NELL1: variants seen among roughly 807,000 people sequenced by gnomAD.
The protein encoded by NELL1 is protein kinase C-binding protein NELL1.
Under a neutral mutation model 107.4 loss-of-function variants are expected in NELL1, and 76 were observed. The observed-to-expected ratio is 0.71, with a 90% CI of 0.59 to 0.86. The LOEUF is 0.86. Among genes scored for constraint, NELL1 ranks in the 40% least tolerant of loss-of-function variants. NELL1 has a pLI of 0.00. For missense variants in NELL1, 1,024 were observed against 1,005.5 expected (o/e 1.02, Z -0.25); for synonymous variants, 353 against 341.2 (o/e 1.03, Z -0.38).
chr11:21,198,110 ATGTCAGGCTCC>A (rs1857193066), intron 13 of NELL1, among the ~76,000 whole-genome samples: 2 of 152,162 alleles, frequency 1.3e-5, no homozygotes, highest in African/African-American at 4.8e-5. Flanking sequence ...CTTTCCACAT[ATGTCAGGCTCC>A]TGGGTTGATA....
chr11:21,254,551 G>A (rs182601005), intron 14 of NELL1, among the ~76,000 whole-genome samples: 2 of 152,180 alleles, frequency 1.3e-5, no homozygotes, highest in Admixed American at 1.3e-4. Flanking sequence ...CAGCAGGAGA[G>A]TTAACATACA....
chr11:21,533,443 C>A (rs184325009), intron 15 of NELL1, among the ~76,000 whole-genome samples: 35 of 152,264 alleles, frequency 2.3e-4, no homozygotes, highest in Admixed American at 1.6e-3. Context: ...AAAGAAGATT[C>A]CCAGGCAGCA....
At chr11:20,701,004 A>T (rs1441937381) in intron 2 of NELL1, among the ~76,000 whole-genome samples, 1 of 152,188 alleles carries the variant, frequency 6.6e-6, no homozygotes, top group Non-Finnish European at 1.5e-5. Flanking sequence ...CATGATTTAT[A>T]GTCCTTTGGG....
At chr11:21,091,371 A>G (rs970754624) in intron 12 of NELL1, among the ~76,000 whole-genome samples, 1 of 152,140 alleles carries the variant, frequency 6.6e-6, no homozygotes, top group Non-Finnish European at 1.5e-5. Context: ...ACGGGGACTC[A>G]GCGAATAAAG....
chr11:21,229,001 T>C (rs1043850601), intron 13 of NELL1, among the ~76,000 whole-genome samples: 1 of 151,786 alleles, frequency 6.6e-6, no homozygotes. Context: ...CAGTGCAAAA[T>C]TCCCCCTACT....
chr11:21,164,296 CAA>C (rs779553260), intron 13 of NELL1, among the ~76,000 whole-genome samples: 3 of 152,234 alleles, frequency 2.0e-5, no homozygotes. Context: ...GCTTGAGAAA[CAA>C]AGTTCTTTAA....
intron 2 of NELL1, chr11:20,770,943 A>G (rs1333012730): frequency 6.8e-6 from 1 of 147,208 alleles, no homozygotes; most frequent in Non-Finnish European, 1.5e-5. Flanking sequence ...CATTGTAGCC[A>G]GATCTGCACT....
intron 15 of NELL1, among the ~76,000 whole-genome samples, chr11:21,483,404 C>T (rs1456220323): frequency 1.3e-5 from 2 of 152,088 alleles, no homozygotes; most frequent in Non-Finnish European, 2.9e-5. Flanking sequence ...ATGCTTCCTG[C>T]AAAGTACGTC....
intron 15 of NELL1, among the ~76,000 whole-genome samples, chr11:21,453,235 T>C (rs1853632430): frequency 6.6e-6 from 1 of 152,154 alleles, no homozygotes; most frequent in Non-Finnish European, 1.5e-5. Context: ...AATTGTAGAT[T>C]TGTCCATTTC....
At chr11:21,495,091 C>T (rs1854942457) in intron 15 of NELL1, among the ~76,000 whole-genome samples, 1 of 152,058 alleles carries the variant, frequency 6.6e-6, no homozygotes, top group Admixed American at 6.6e-5. Context: ...GCAACCATTG[C>T]CAATAGCTAA....
chr11:20,709,110 G>T (rs1270437607), intron 2 of NELL1, among the ~76,000 whole-genome samples: 8 of 152,062 alleles, frequency 5.3e-5, no homozygotes, highest in East Asian at 1.9e-4. Flanking sequence ...CTGACAAGGG[G>T]TTGGGGACCC....
At chr11:21,137,888 G>A (rs1423103454) in intron 13 of NELL1, among the ~76,000 whole-genome samples, 1 of 152,184 alleles carries the variant, frequency 6.6e-6, no homozygotes. Flanking sequence ...TTTTCATTCA[G>A]TACATTTTCT....
chr11:20,988,069 C>T (rs1851888265), intron 12 of NELL1, among the ~76,000 whole-genome samples: 1 of 152,148 alleles, frequency 6.6e-6, no homozygotes, highest in African/African-American at 2.4e-5. Flanking sequence ...ACTTCTACTT[C>T]AGAACTTAAA....
chr11:21,218,278 G>A (rs1857666166), intron 13 of NELL1, among the ~76,000 whole-genome samples: 1 of 152,064 alleles, frequency 6.6e-6, no homozygotes. Flanking sequence ...ATGCCTATCT[G>A]TTCACAACCA....
intron 12 of NELL1, among the ~76,000 whole-genome samples, chr11:21,003,725 G>T (rs1017238094): frequency 3.5e-4 from 53 of 151,906 alleles, no homozygotes; most frequent in African/African-American, 1.3e-3. Flanking sequence ...CCTCTCTGAG[G>T]GTCTCTGACT....
intron 15 of NELL1, among the ~76,000 whole-genome samples, chr11:21,454,099 C>T (rs1291286948): frequency 1.5e-5 from 2 of 133,782 alleles, no homozygotes; most frequent in Non-Finnish European, 1.6e-5. Context: ...CCACCACAGT[C>T]CCCAGAGGGT....
At chr11:20,857,984 G>T (rs7120486) in intron 4 of NELL1, among the ~76,000 whole-genome samples, 1 of 152,054 alleles carries the variant, frequency 6.6e-6, no homozygotes, top group Admixed American at 6.5e-5. Flanking sequence ...CTTCAGGCTC[G>T]TAAGAACGTA....
At chr11:21,268,852 C>T (rs1848684752) in intron 14 of NELL1, among the ~76,000 whole-genome samples, 2 of 151,806 alleles carry the variant, frequency 1.3e-5, no homozygotes, top group South Asian at 4.2e-4. Flanking sequence ...TGGGAGTAGA[C>T]CTGGAATTTA....
intron 12 of NELL1, among the ~76,000 whole-genome samples, chr11:21,063,736 G>A (rs529074081): frequency 8.9e-4 from 136 of 152,262 alleles, no homozygotes; most frequent in African/African-American, 3.0e-3. Flanking sequence ...TGTTTATTGT[G>A]CCGCATTTTT....
Sources: allele counts gnomAD v4.1 joint callset (sites outside exome capture counted in the v4.1 genomes callset), GRCh38; gene constraint gnomAD v4.1.1; transcripts MANE v1.5; gene names NCBI Gene and HGNC (gene_info 2026-07-23, HGNC 2026-07-21).